Variants in HK1 observed in about 807,000 individuals in gnomAD.
The protein encoded by HK1 is hexokinase-1.
In HK1, 28 loss-of-function variants were observed where a neutral mutation model predicts 91.6. The ratio of observed to expected loss-of-function variants is 0.31; its 90% CI spans 0.23 to 0.42. The LOEUF is 0.42. Ranked by LOEUF, HK1 falls within the 10% of genes least tolerant of loss-of-function variation. The probability of loss-of-function intolerance (pLI) is 1.00; values close to 1 mark genes in which losing one functional copy is unlikely to be tolerated. For missense variants in HK1, 770 were observed against 1,219.8 expected, an observed-to-expected ratio of 0.63 and a Z score of 5.49; for synonymous variants, 430 against 468.1, an observed-to-expected ratio of 0.92 and a Z score of 1.05.
rs1406587479 is a variant in HK1 at position 69,318,861 on chromosome 10, G to C, written c.-87G>C. The C allele has an allele frequency of 6.7e-7, 1 of 1,498,856 alleles. No homozygotes were observed. Among genetic ancestry groups the C allele is most frequent in the Non-Finnish European group, 8.9e-7 (1 of 1,125,266 alleles). 92.8% of individuals were successfully genotyped at this position (1,498,856 alleles called of 1,614,324 possible). On this transcript the variant is annotated 5_prime_UTR_variant, in exon 1 of 18. Transcript: ENST00000359426. The stretch of plus-strand genomic sequence containing the variant: ...GGGAGGAGGAGGAGGAGGAGCCGCC[G>C]AGCAGCCGCCGGAGGACCACGGCTC...
chr10:69,387,533 C>T (rs1323822027), intron 13 of HK1, among the ~76,000 whole-genome samples: 2 of 90,238 alleles, frequency 2.2e-5, no homozygotes, highest in African/African-American at 3.1e-5. Flanking sequence ...GCAATCTGCT[C>T]GCCTTGGCCT....
intron 2 of HK1, among the ~76,000 whole-genome samples, chr10:69,288,011 G>A (rs922507345): frequency 4.6e-5 from 7 of 151,982 alleles, no homozygotes; most frequent in African/African-American, 1.4e-4. Flanking sequence ...AGGCTGGCAT[G>A]GTGGCCCATG....
Position 69,293,923 on chromosome 10 carries a change from G to C in HK1, c.-114-1710G>C, listed in dbSNP as rs191013002. Among the ~76,000 whole-genome samples the C allele has an allele frequency of 9.9e-3, 1,419 of 143,290 alleles. 29 individuals carry two copies. Among genetic ancestry groups the C allele is most frequent in the African/African-American group, 0.036 (1,368 of 38,268 alleles). 94.0% of individuals were successfully genotyped at this position (143,290 alleles called of 152,430 possible). On this transcript the variant is annotated intron_variant, in intron 3 of 21. Transcript: ENST00000360289. Reference sequence around the variant, plus strand: ...TTGGCTCAGGCTGGAGTGCAGTGGCGTGATCTCGGCTCACTGCAAGCTCCG... The same window carrying C: ...TTGGCTCAGGCTGGAGTGCAGTGGCCTGATCTCGGCTCACTGCAAGCTCCG...
chr10:69,325,043 T>C (rs1298479409), intron 1 of HK1, among the ~76,000 whole-genome samples: 5 of 139,514 alleles, frequency 3.6e-5, no homozygotes, highest in Admixed American at 2.9e-4. Flanking sequence ...CAAAAATGTG[T>C]ATTTTTTTTT....
At chr10:69,298,600 C>T (rs1286151847) in intron 4 of HK1, among the ~76,000 whole-genome samples, 3 of 150,874 alleles carry the variant, frequency 2.0e-5, no homozygotes, top group African/African-American at 7.4e-5. Flanking sequence ...TGCACCCCAG[C>T]GTGGGTGACA....
chr10:69,271,666 A>G (rs2132395954), intron 1 of HK1, among the ~76,000 whole-genome samples: 1 of 151,636 alleles, frequency 6.6e-6, no homozygotes, highest in East Asian at 2.0e-4. Flanking sequence ...TTTATTAGAG[A>G]TGGGGTTTCA....
chr10:69,285,139 A>AAAAC (rs201563537), intron 2 of HK1, among the ~76,000 whole-genome samples: 3 of 152,098 alleles, frequency 2.0e-5, no homozygotes, highest in Non-Finnish European at 2.9e-5. Context: ...ATTCCTTAAA[A>AAAAC]AAACAAACAA....
chr10:69,319,153 C>G (rs1369142561), intron 1 of HK1, 143 bp downstream of exon 1: 1 of 971,962 alleles, frequency 1.0e-6, no homozygotes, highest in East Asian at 2.6e-5. Flanking sequence ...CAAGGAAAGC[C>G]TTCGCCTTCG....
At chr10:69,336,934 C>G (rs1057401832) in intron 1 of HK1, among the ~76,000 whole-genome samples, 2 of 151,948 alleles carry the variant, frequency 1.3e-5, no homozygotes, top group African/African-American at 2.4e-5. Context: ...CGTGAGCCAC[C>G]GTGCCTGGCC....
intron 5 of HK1, among the ~76,000 whole-genome samples, chr10:69,368,939 C>G (rs778147585): frequency 2.2e-4 from 34 of 152,258 alleles, no homozygotes; most frequent in Admixed American, 1.2e-3. Context: ...GGCAGAGGAG[C>G]CCGCCTTATC....
intron 1 of HK1, among the ~76,000 whole-genome samples, chr10:69,334,789 A>G (rs1246545113): frequency 6.6e-6 from 1 of 152,174 alleles, no homozygotes; most frequent in African/African-American, 2.4e-5. Context: ...TGCAACGCCC[A>G]GGAAAGACAC....
intron 1 of HK1, chr10:69,338,777 G>A (rs1234568856): frequency 1.0e-6 from 1 of 957,012 alleles, no homozygotes; most frequent in East Asian, 6.5e-5. Flanking sequence ...GTATGTGAGA[G>A]TGTGTGTGTG....
intron 15 of HK1, 26 bp downstream of exon 15, chr10:69,392,334 C>T (rs746024674): frequency 6.2e-7 from 1 of 1,613,222 alleles, no homozygotes; most frequent in Non-Finnish European, 8.5e-7. Context: ...GGAGAGGACA[C>T]TCACAGTCAG....
intron 2 of HK1, among the ~76,000 whole-genome samples, chr10:69,358,829 T>C (rs10762285): frequency 0.47 from 70,499 of 150,178 alleles, 17,866 homozygotes; most frequent in African/African-American, 0.66. Flanking sequence ...TGCCTCTGCA[T>C]TCCAGCCTGG....
chr10:69,284,681 C>T (rs142296965), intron 2 of HK1, among the ~76,000 whole-genome samples: 107 of 152,298 alleles, frequency 7.0e-4, no homozygotes, highest in Middle Eastern at 6.8e-3. Flanking sequence ...CCCTGTCGCC[C>T]AGGCTGGAGT....
At chr10:69,303,938 T>A (rs967914468) in intron 5 of HK1, among the ~76,000 whole-genome samples, 4 of 152,292 alleles carry the variant, frequency 2.6e-5, no homozygotes, top group Non-Finnish European at 5.9e-5. Flanking sequence ...GATGAAATCA[T>A]AGGGAATTGA....
intron 1 of HK1, among the ~76,000 whole-genome samples, chr10:69,324,348 T>C (rs969160511): frequency 2.6e-5 from 4 of 152,030 alleles, no homozygotes; most frequent in Non-Finnish European, 1.5e-5. Flanking sequence ...CCCAGCACTT[T>C]GGGAGGCCAA....
Position 69,349,669 on chromosome 10 carries a change from C to T in HK1, c.226+5680C>T, listed in dbSNP as rs12248628. ...GCCACATAAAATGTGGGTGAGACCA[C>T]AGGCTACAGCTCCAGTACCTCTGCA... On this transcript the variant is annotated intron_variant, in intron 2 of 17. Transcript: ENST00000359426. Among the ~76,000 whole-genome samples, 221 of 152,306 alleles carry T rather than the reference C, an allele frequency of 1.5e-3. 1 individual carries two copies. The highest frequency in any genetic ancestry group is 5.1e-3 in the African/African-American group (214 of 41,568).
intron 4 of HK1, among the ~76,000 whole-genome samples, chr10:69,298,826 T>C (rs1457205201): frequency 6.6e-6 from 1 of 151,998 alleles, no homozygotes; most frequent in Non-Finnish European, 1.5e-5. Context: ...ATTCTGGCTT[T>C]ACATATGATA....
Sources: gnomAD v4.1 joint callset for allele counts (sites outside exome capture counted in the v4.1 genomes callset) on GRCh38, gnomAD v4.1.1 for gene constraint, MANE v1.5 for transcripts, NCBI Gene and HGNC (gene_info 2026-07-23, HGNC 2026-07-21) for gene names.